The following TNRC6C variants were observed in gnomAD, a reference collection of about 807,000 sequenced individuals.
TNRC6C encodes trinucleotide repeat-containing gene 6C protein.
TNRC6C carries 20 observed loss-of-function variants against 153.7 expected under a neutral mutation model. The ratio of observed to expected loss-of-function variants is 0.13; its 90% CI spans 0.09 to 0.19. The LOEUF (loss-of-function observed/expected upper bound fraction) is 0.19, where lower values mean the gene tolerates loss of function less well. Among genes scored for constraint, TNRC6C ranks in the 10% least tolerant of loss-of-function variants. The pLI, the probability that TNRC6C is intolerant of heterozygous loss-of-function variation, is 1.00. For synonymous variants in TNRC6C, 811 were observed against 841.4 expected (o/e 0.96, Z 0.63); for missense variants, 1,987 against 2,172.0 (o/e 0.91, Z 1.69).
At chr17:77,972,227 A>C (rs1035905967) in intron 1 of TNRC6C, among the ~76,000 whole-genome samples, 1 of 152,074 alleles carries the variant, frequency 6.6e-6, no homozygotes, top group African/African-American at 2.4e-5. Flanking sequence ...AGAATGAAAG[A>C]GAGGGCCAGG....
At chr17:78,045,163 G>C (rs1402115458) in intron 2 of TNRC6C, among the ~76,000 whole-genome samples, 2 of 152,200 alleles carry the variant, frequency 1.3e-5, no homozygotes, top group African/African-American at 4.8e-5. Flanking sequence ...GCAGTAGGGG[G>C]CATGGGAAGA....
At chr17:77,962,234 A>G (rs1247311554) in intron 1 of TNRC6C, among the ~76,000 whole-genome samples, 1 of 152,204 alleles carries the variant, frequency 6.6e-6, no homozygotes, top group Non-Finnish European at 1.5e-5. Flanking sequence ...TTCACCAACA[A>G]CCTTTTAAGA....
intron 11 of TNRC6C, among the ~76,000 whole-genome samples, chr17:78,084,879 G>A (rs1306329411): frequency 1.3e-5 from 2 of 152,058 alleles, no homozygotes; most frequent in African/African-American, 2.4e-5. Context: ...TGATCCTCCC[G>A]CCTCAGACTC....
intron 1 of TNRC6C, among the ~76,000 whole-genome samples, chr17:77,968,486 C>T (rs978241365): frequency 2.7e-5 from 4 of 149,982 alleles, no homozygotes; most frequent in East Asian, 2.0e-4. Context: ...GGACTACAGG[C>T]GCCCGCCACC....
At chr17:78,057,825 T>TTG (rs113475283) in intron 3 of TNRC6C, among the ~76,000 whole-genome samples, 21,661 of 151,522 alleles carry the variant, frequency 0.14, 1,711 homozygotes, top group African/African-American at 0.21. Flanking sequence ...AATTACATTT[T>TTG]TGTGTGTGTG....
exon 20 of TNRC6C, chr17:78,105,004 G>A (rs1051152063): frequency 3.2e-6 from 3 of 929,158 alleles, no homozygotes; most frequent in Non-Finnish European, 4.3e-6. Context: ...CGAACTGTTC[G>A]CAAAACAGTG....
rs534440816 is a variant in TNRC6C, at chr17:77,976,957, A to C, written c.-38+17689A>C. 7.9e-3 allele frequency among the ~76,000 whole-genome samples: 1,177 copies of C among 149,076 alleles called. 15 individuals carry two copies. The highest frequency in any genetic ancestry group is 0.033 in the South Asian group (155 of 4,670). On this transcript the variant is annotated intron_variant, in intron 1 of 22. Coordinates refer to the TNRC6C transcript ENST00000636222. ...AAAAAAAAAAAAAAAAAAAAAAAAA[A>C]AAACTTGGTTTCCCCTTCATTTTAC... is the stretch of plus-strand genomic sequence containing the variant.
Position 78,104,812 on chromosome 17 carries a change from G to T in TNRC6C, c.5040G>T (p.Leu1680=), listed in dbSNP as rs2073662275. The change falls in exon 20 of 20, where the codon CTG becomes CTT. Residue 1680 remains leucine, a synonymous_variant. Transcript: ENST00000301624. The surrounding 1 kb of genome is among the most constrained non-coding windows in gnomAD (Gnocchi z 6.2). ...GCCCCACGCCGCTAACCACCCTGCT[G>T]CCTGGGGACCTGCTCAGCGGGGAGT... is the stretch of plus-strand genomic sequence containing the variant. The T allele has an allele frequency of 5.6e-6, 8 of 1,439,344 alleles. No homozygotes were observed. In the African/African-American group the frequency reaches 7.4e-5, roughly 13 times the overall value. The allele number at this position is 1,439,344 out of a possible 1,614,324, so 89.2% of individuals were successfully genotyped here. A position where few individuals can be genotyped will look rare whatever the true frequency, so the allele number is the denominator to read the frequency against.
At chr17:78,013,981 TTC>T (rs1451283714) in intron 1 of TNRC6C, among the ~76,000 whole-genome samples, 2 of 152,180 alleles carry the variant, frequency 1.3e-5, no homozygotes, top group East Asian at 3.8e-4. Flanking sequence ...TAAGGCCAAT[TTC>T]TCTCCTCCTG....
exon 20 of TNRC6C, chr17:78,107,370 T>C (rs771340018): frequency 6.6e-6 from 1 of 152,232 alleles, no homozygotes; most frequent in Non-Finnish European, 1.5e-5. Context: ...TCATAGAATG[T>C]GACTGTTGAA....
chr17:77,971,318 A>G (rs1041754564), intron 1 of TNRC6C, among the ~76,000 whole-genome samples: 1 of 152,224 alleles, frequency 6.6e-6, no homozygotes, highest in African/African-American at 2.4e-5. Flanking sequence ...TAAAATAGCT[A>G]ACATGAAACC....
chr17:78,070,864 A>G (rs2072980315), intron 5 of TNRC6C, among the ~76,000 whole-genome samples: 1 of 152,210 alleles, frequency 6.6e-6, no homozygotes, highest in African/African-American at 2.4e-5. Flanking sequence ...AAGTTCATAA[A>G]TTGCACATAT....
chr17:78,050,075 G>C, exon 3 of TNRC6C: 1 of 1,610,496 alleles, frequency 6.2e-7, no homozygotes, highest in South Asian at 1.1e-5. Flanking sequence ...ACCTCTAACG[G>C]TGTGAATGGG....
exon 15 of TNRC6C, chr17:78,093,041 C>G: frequency 6.2e-7 from 1 of 1,613,824 alleles, no homozygotes; most frequent in Non-Finnish European, 8.5e-7. Context: ...GCCAGTCCTC[C>G]CGTAGCTGTT....
intron 2 of TNRC6C, among the ~76,000 whole-genome samples, chr17:78,036,451 C>T (rs1051785720): frequency 3.3e-5 from 5 of 151,976 alleles, no homozygotes; most frequent in African/African-American, 4.8e-5. Context: ...GGAAAACTTA[C>T]GTGTCCATTC....
intron 1 of TNRC6C, among the ~76,000 whole-genome samples, chr17:77,988,376 T>TACAC (rs113058619): frequency 6.6e-6 from 1 of 151,632 alleles, no homozygotes; most frequent in African/African-American, 2.4e-5. Flanking sequence ...TATCTCTTTA[T>TACAC]ACACACACAC....
At chr17:78,011,634 T>G (rs2143379386) in intron 1 of TNRC6C, among the ~76,000 whole-genome samples, 1 of 152,376 alleles carries the variant, frequency 6.6e-6, no homozygotes, top group South Asian at 2.1e-4. Context: ...GAGTAAAGCT[T>G]CTTTTAACAT....
chr17:78,081,813 G>T (rs4564643), intron 10 of TNRC6C, among the ~76,000 whole-genome samples: 12,284 of 152,178 alleles, frequency 0.081, 572 homozygotes, highest in East Asian at 0.18. Flanking sequence ...GTCCCAAATG[G>T]CAAGGCATCT....
upstream of TNRC6C, among the ~76,000 whole-genome samples, chr17:77,999,871 G>C (rs771423278): frequency 2.0e-5 from 3 of 152,208 alleles, no homozygotes; most frequent in African/African-American, 7.2e-5. Context: ...CAGTCTGCTA[G>C]AAAGTTGGAG....
Sources: gnomAD v4.1 joint callset for allele counts (sites outside exome capture counted in the v4.1 genomes callset) on GRCh38, gnomAD v4.1.1 for gene constraint, Gnocchi (gnomAD v3.1) non-coding constraint, MANE v1.5 for transcripts, NCBI Gene and HGNC (gene_info 2026-07-23, HGNC 2026-07-21) for gene names.